Variants in KNTC1 observed in about 807,000 individuals in gnomAD.
KNTC1 encodes kinetochore-associated protein 1.
In KNTC1, 253 loss-of-function variants were observed where a neutral mutation model predicts 314.4. The observed-to-expected ratio is 0.80, with a 90% CI of 0.73 to 0.89. The LOEUF (loss-of-function observed/expected upper bound fraction) is 0.89, where lower values mean the gene tolerates loss of function less well. KNTC1 is among the 40% of genes least tolerant of loss of function. The pLI is 0.00. For synonymous variants in KNTC1, 901 were observed against 901.4 expected, an observed-to-expected ratio of 1.00 and a Z score of 0.01; for missense variants, 2,475 against 2,572.9, an observed-to-expected ratio of 0.96 and a Z score of 0.82.
chr12:122,624,738 C>A, intron 63 of KNTC1, 50 bp downstream of exon 63: 1 of 1,290,758 alleles, frequency 7.7e-7, no homozygotes, highest in Non-Finnish European at 1.1e-6. Context: ...TGTTTATATT[C>A]CTAGGGCCTT....
At chr12:122,542,192 T>A (rs1731218359) in intron 6 of KNTC1, 65 bp downstream of exon 6, 2 of 1,140,778 alleles carry the variant, frequency 1.8e-6, no homozygotes, top group African/African-American at 3.1e-5. Flanking sequence ...ATTAATGTAA[T>A]AGTAAAATTT....
chr12:122,579,913 C>CT lies in KNTC1; in HGVS notation c.2851dup (p.Trp951LeufsTer14). The CT allele has an allele frequency of 6.2e-7, 1 of 1,607,986 alleles. No homozygotes were observed. The highest frequency in any genetic ancestry group is 8.5e-7 in the Non-Finnish European group (1 of 1,175,030). On this transcript the variant is annotated frameshift_variant, in exon 32 of 64. Coordinates refer to ENST00000333479, the MANE Select transcript of KNTC1 (RefSeq NM_014708.6). LOFTEE classifies it high-confidence loss of function. ...TATTTATTTATTTTTAGGGCAAGGC[C>CT]TGGAGAATGTCTGTAGCGAAGACAT...
intron 13 of KNTC1, among the ~76,000 whole-genome samples, chr12:122,550,996 CTG>C (rs1308386629): frequency 6.6e-6 from 1 of 152,062 alleles, no homozygotes; most frequent in Non-Finnish European, 1.5e-5. Flanking sequence ...TCCATTTGTC[CTG>C]TTATGGGTGA....
At chr12:122,553,543 A>T (rs140315241) in intron 16 of KNTC1, among the ~76,000 whole-genome samples, 174 of 148,570 alleles carry the variant, frequency 1.2e-3, no homozygotes, top group African/African-American at 3.3e-3. Context: ...AATTAAAATT[A>T]AAAAAAAAAT....
At chr12:122,574,860 G>A (rs887778883) in intron 27 of KNTC1, among the ~76,000 whole-genome samples, 1 of 152,038 alleles carries the variant, frequency 6.6e-6, no homozygotes, top group African/African-American at 2.4e-5. Context: ...TCAGTTATTC[G>A]CTGCAATGTG....
At chr12:122,559,598 A>G (rs942394555) in intron 18 of KNTC1, among the ~76,000 whole-genome samples, 1 of 152,034 alleles carries the variant, frequency 6.6e-6, no homozygotes, top group Non-Finnish European at 1.5e-5. Context: ...TTTGAGAGGG[A>G]GTCTCGCACT....
At chr12:122,622,805 G>A (rs975993172) in intron 62 of KNTC1, among the ~76,000 whole-genome samples, 198 bp downstream of exon 62, 2 of 151,906 alleles carry the variant, frequency 1.3e-5, no homozygotes, top group Non-Finnish European at 2.9e-5. Context: ...AAAATTAGCC[G>A]GGCATGGTGG....
intron 51 of KNTC1, among the ~76,000 whole-genome samples, chr12:122,608,847 G>A (rs545093125): frequency 2.0e-5 from 3 of 152,126 alleles, no homozygotes; most frequent in South Asian, 4.2e-4. Context: ...TGTTTGAGGC[G>A]AGGGGTTTGA....
intron 63 of KNTC1, among the ~76,000 whole-genome samples, chr12:122,625,589 C>CAAAAA: frequency 4.9e-5 from 5 of 103,078 alleles, no homozygotes; most frequent in Admixed American, 9.6e-5. Flanking sequence ...CAAAACAAAA[C>CAAAAA]AAAAAAAAAA....
chr12:122,533,233 C>T (rs1385002923), intron 2 of KNTC1, among the ~76,000 whole-genome samples: 1 of 149,974 alleles, frequency 6.7e-6, no homozygotes, highest in African/African-American at 2.5e-5. Flanking sequence ...GTGGTGTGAT[C>T]TTGGCTCACT....
At chr12:122,603,272 TAA>T (rs370531688) in intron 48 of KNTC1, 29 bp downstream of exon 48, 12,609 of 1,116,990 alleles carry the variant, frequency 0.011, no homozygotes, top group South Asian at 0.014. Context: ...AAATTGTAGT[TAA>T]AAAAAAAAAA....
Position 122,618,203 on chromosome 12 carries a change from C to T in KNTC1, c.6031-140C>T, listed in dbSNP as rs1322743613. ...GCCAGGCTGGTTTCGAACTCCTGAC[C>T]TCAAGTGATTCACCTGCTTCAGCCT... is the stretch of plus-strand genomic sequence containing the variant. On this transcript the variant is annotated intron_variant, in intron 57 of 63. Coordinates refer to ENST00000333479, the MANE Select transcript of KNTC1 (RefSeq NM_014708.6). The T allele has an allele frequency of 1.1e-5, 8 of 704,984 alleles. No homozygotes were observed. The East Asian group carries it at 2.2e-4, about 19-fold the overall frequency. 43.7% of individuals were successfully genotyped at this position (704,984 alleles called of 1,614,324 possible). A position where few individuals can be genotyped will look rare whatever the true frequency, so the allele number is the denominator to read the frequency against.
rs1456214938 is a variant in KNTC1, at chr12:122,573,156, C to A, written c.2154C>A (p.Thr718=). The change falls in exon 26 of 64, where the codon ACC becomes ACA. Residue 718 remains threonine (T), a synonymous_variant. Coordinates refer to ENST00000333479, the MANE Select transcript of KNTC1 (RefSeq NM_014708.6). The part of the protein sequence containing the change: ...LSDFEKENTT[T]IVFRMFDKVL... ...TTGGCATCCAGGAAAATACAACCACCATAGTGTTCCGAATGTTTGATAAAG... is the reference window on the plus strand; with the variant it reads ...TTGGCATCCAGGAAAATACAACCACAATAGTGTTCCGAATGTTTGATAAAG... The A allele has an allele frequency of 1.2e-6, 2 of 1,613,858 alleles. No homozygotes were observed. Among genetic ancestry groups the A allele is most frequent in the South Asian group, 2.2e-5 (2 of 91,076 alleles).
intron 53 of KNTC1, 36 bp downstream of exon 53, chr12:122,610,936 C>T (rs780987916): frequency 1.5e-5 from 21 of 1,440,116 alleles, no homozygotes; most frequent in African/African-American, 7.0e-5. Flanking sequence ...CTCTTCTGTG[C>T]ATCTCAGCTT....
intron 13 of KNTC1, 124 bp from the exon 14 acceptor site, chr12:122,551,195 G>A: frequency 1.6e-6 from 1 of 638,624 alleles, no homozygotes; most frequent in Admixed American, 3.1e-5. Flanking sequence ...GGTATTTATG[G>A]GATACCCAGT....
At chr12:122,585,338 G>A in intron 36 of KNTC1, among the ~76,000 whole-genome samples, 1 of 151,996 alleles carries the variant, frequency 6.6e-6, no homozygotes. Context: ...CACTGCACCT[G>A]GGCCGTTTTT....
At chr12:122,555,639 G>T (rs2137806488) in intron 16 of KNTC1, among the ~76,000 whole-genome samples, 2 of 152,262 alleles carry the variant, frequency 1.3e-5, no homozygotes, top group Middle Eastern at 6.8e-3. Context: ...CACAAGGTCA[G>T]GAGATCGAGA....
intron 24 of KNTC1, among the ~76,000 whole-genome samples, 186 bp downstream of exon 24, chr12:122,571,312 T>G (rs1025181396): frequency 6.6e-6 from 1 of 152,032 alleles, no homozygotes; most frequent in Non-Finnish European, 1.5e-5. Flanking sequence ...TCTTTCTGAT[T>G]TGTGTTAAAA....
chr12:122,604,793 G>T, intron 49 of KNTC1, 84 bp from the exon 50 acceptor site: 1 of 1,348,306 alleles, frequency 7.4e-7, no homozygotes, highest in Non-Finnish European at 1.0e-6. Context: ...AGGGGGGAGG[G>T]ATTGTGATTG....
Sources: allele counts gnomAD v4.1 joint callset (sites outside exome capture counted in the v4.1 genomes callset), GRCh38; gene constraint gnomAD v4.1.1; transcripts MANE v1.5; gene names NCBI Gene and HGNC (gene_info 2026-07-23, HGNC 2026-07-21).